Variants in WDR76 observed in about 807,000 individuals in gnomAD.
The protein encoded by WDR76 is WD repeat domain 76, also known as WD repeat-containing protein 76.
In WDR76, 52 loss-of-function variants were observed where a neutral mutation model predicts 70.2. The ratio of observed to expected loss-of-function variants is 0.74; its 90% CI spans 0.59 to 0.93. The LOEUF (loss-of-function observed/expected upper bound fraction) is 0.93, where lower values mean the gene tolerates loss of function less well. Ranked by LOEUF, WDR76 falls within the 40% of genes least tolerant of loss-of-function variation. The pLI is 0.00. For missense variants in WDR76, 756 were observed against 760.2 expected, an observed-to-expected ratio of 0.99 and a Z score of 0.07; for synonymous variants, 292 against 271.1, an observed-to-expected ratio of 1.08 and a Z score of -0.76.
At chr15:43,832,744 T>TTA (rs1491400619) in intron 2 of WDR76, among the ~76,000 whole-genome samples, 8 of 12,822 alleles carry the variant, frequency 6.2e-4, no homozygotes, top group Non-Finnish European at 2.0e-3. Flanking sequence ...GCTTGCTTTG[T>TTA]TTTTTTTTTT....
chr15:43,833,340 A>G (rs1380759746), intron 2 of WDR76, among the ~76,000 whole-genome samples: 4 of 136,138 alleles, frequency 2.9e-5, no homozygotes, highest in African/African-American at 1.1e-4. Flanking sequence ...TTTTTTTGAG[A>G]TGGAGTCTGG....
Position 43,857,467 on chromosome 15 carries a change from G to A in WDR76, c.1409+304G>A, listed in dbSNP as rs1047738080. The A allele has an allele frequency of 4.1e-6, 4 of 985,254 alleles. No individual in the cohort carries two copies. In the African/African-American group the frequency reaches 7.0e-5, roughly 17 times the overall value. 61.0% of individuals were successfully genotyped at this position (985,254 alleles called of 1,614,324 possible). ...AATTTCACAGAAAAAAAAGTTACAT[G>A]TGACCTATAACTTGTTGGCCTGTGT... On this transcript the variant is annotated intron_variant, in intron 10 of 12. Transcript: ENST00000263795.
intron 2 of WDR76, among the ~76,000 whole-genome samples, chr15:43,831,098 G>T (rs1339983627): frequency 6.6e-6 from 1 of 151,908 alleles, no homozygotes. Flanking sequence ...AGGCGTGGTG[G>T]CAGGTGCCTG....
chr15:43,847,415 C>A, intron 8 of WDR76, among the ~76,000 whole-genome samples: 1 of 151,656 alleles, frequency 6.6e-6, no homozygotes, highest in South Asian at 2.1e-4. Flanking sequence ...CGCTCGCTGC[C>A]ACACCTGGCT....
chr15:43,835,171 A>G, intron 3 of WDR76, 21 bp downstream of exon 3: 2 of 1,610,970 alleles, frequency 1.2e-6, no homozygotes, highest in Non-Finnish European at 1.7e-6. Context: ...AGTCTATTTA[A>G]AAGCAAGATG....
chr15:43,836,753 TGG>T (rs1290422337), intron 4 of WDR76, among the ~76,000 whole-genome samples: 2 of 151,912 alleles, frequency 1.3e-5, no homozygotes, highest in Admixed American at 6.6e-5. Context: ...AATTGTTGGC[TGG>T]GTGCAGTGGC....
At position 43,827,024 on chromosome 15, in the gene WDR76, A is replaced by C. The variant is rs750682707; in HGVS notation, c.-9A>C. The C allele has an allele frequency of 3.7e-6, 6 of 1,613,764 alleles. No homozygotes were observed. The highest frequency in any genetic ancestry group is 2.7e-5 in the African/African-American group (2 of 74,940). On this transcript the variant is annotated 5_prime_UTR_variant, in exon 1 of 13. Transcript: ENST00000263795. ...GGCGGGAAGGCGCCGGCCGCTAAGA[A>C]GCCGAAAGATGTCCAGGTCGGGCGC...
intron 2 of WDR76, among the ~76,000 whole-genome samples, chr15:43,830,006 T>G (rs1431546832): frequency 6.6e-6 from 1 of 151,626 alleles, no homozygotes; most frequent in Non-Finnish European, 1.5e-5. Context: ...TTTTCTTTCT[T>G]TCTTTTCTTT....
At chr15:43,845,597 T>C (rs1237469964) in intron 8 of WDR76, among the ~76,000 whole-genome samples, 1 of 150,352 alleles carries the variant, frequency 6.7e-6, no homozygotes, top group Admixed American at 6.6e-5. Flanking sequence ...GTTTATGGTA[T>C]GTTGTTTTAG....
intron 5 of WDR76, 77 bp downstream of exon 5, chr15:43,839,805 GT>G: frequency 7.1e-7 from 1 of 1,411,386 alleles, no homozygotes; most frequent in Non-Finnish European, 9.5e-7. Context: ...TAGACTAAAA[GT>G]TCATTAAATT....
intron 11 of WDR76, among the ~76,000 whole-genome samples, chr15:43,860,678 A>T (rs769693164): frequency 1.2e-3 from 181 of 150,848 alleles, no homozygotes; most frequent in African/African-American, 7.6e-4. Flanking sequence ...ATTTTTTTTT[A>T]AATTTTTTTT....
intron 12 of WDR76, 59 bp from the exon 13 acceptor site, chr15:43,866,069 C>T (rs752677106): frequency 1.9e-6 from 3 of 1,583,712 alleles, no homozygotes; most frequent in Non-Finnish European, 2.6e-6. Flanking sequence ...TTACCCTCTG[C>T]CCAATGCTAC....
chr15:43,847,022 CAAAAA>C (rs57096588), intron 8 of WDR76, among the ~76,000 whole-genome samples: 17 of 66,700 alleles, frequency 2.5e-4, no homozygotes, highest in East Asian at 4.2e-4. Flanking sequence ...AACACCACCT[CAAAAA>C]AAAAAAAAAA....
chr15:43,851,101 A>G lies in WDR76; in HGVS notation c.1047A>G (p.Lys349=). 1 of 1,614,060 alleles carries G rather than the reference A, an allele frequency of 6.2e-7. No individual in the cohort carries two copies. Among genetic ancestry groups the G allele is most frequent in the Non-Finnish European group, 8.5e-7 (1 of 1,179,996 alleles). ...VGLCDLTQQP[K]EDGVYVFHPH... is the part of the protein sequence containing the mutation. ...CTCTCTTCCAGACCCAGCAACCTAA[A>G]GAAGATGGAGTTTATGTTTTTCATC... The change falls in exon 9 of 13, where the codon AAA becomes AAG. Residue 349 remains lysine (K), a synonymous_variant. Coordinates refer to ENST00000263795, the MANE Select transcript of WDR76 (RefSeq NM_024908.4).
intron 8 of WDR76, among the ~76,000 whole-genome samples, chr15:43,846,965 T>G (rs999552202): frequency 7.3e-6 from 1 of 137,916 alleles, no homozygotes; most frequent in Non-Finnish European, 1.5e-5. Flanking sequence ...GAGGTTGCAG[T>G]GAGCCGAGAT....
At position 43,857,048 on chromosome 15, in the gene WDR76, G is replaced by A; in HGVS notation, c.1294G>A (p.Asp432Asn). The A allele has an allele frequency of 6.2e-7, 1 of 1,614,092 alleles. No individual in the cohort carries two copies. Residue 432 changes from aspartate to asparagine, a missense_variant, in exon 10 of 13, where the codon GAT becomes AAT. By Grantham distance (23) the Asp-to-Asn change is conservative. Coordinates refer to ENST00000263795, the MANE Select transcript of WDR76 (RefSeq NM_024908.4). ...GHWDGNMSLV[D>N]RRTPGTSYEK... ...CTGGGATGGAAATATGTCACTGGTGGATAGACGGACACCTGGAACTTCTTA... is the reference window on the plus strand; with the variant it reads ...CTGGGATGGAAATATGTCACTGGTGAATAGACGGACACCTGGAACTTCTTA...
At chr15:43,842,794 T>G in intron 7 of WDR76, 123 bp downstream of exon 7, 2 of 881,476 alleles carry the variant, frequency 2.3e-6, no homozygotes, top group East Asian at 5.3e-5. Flanking sequence ...AACTGTTGTT[T>G]TTGTGTATTT....
At position 43,854,162 on chromosome 15, in the gene WDR76, G is replaced by T. The variant is rs545032344; in HGVS notation, c.1192-2784G>T. Among the ~76,000 whole-genome samples, 3 of 152,298 alleles carry T rather than the reference G, an allele frequency of 2.0e-5. No individual in the cohort carries two copies. In the South Asian group the frequency reaches 6.2e-4, roughly 32 times the overall value. On this transcript the variant is annotated intron_variant, in intron 9 of 12. Transcript: ENST00000263795. ...TTGACAGTTCCTTAAATGTTAAACA[G>T]AGTTACCATATGACCTAGCAATATC...
chr15:43,850,999 A>G, intron 8 of WDR76, 88 bp from the exon 9 acceptor site: 1 of 1,489,826 alleles, frequency 6.7e-7, no homozygotes, highest in Non-Finnish European at 9.1e-7. Context: ...AATCCAGTGT[A>G]AATTCTTTAA....
Sources: allele counts gnomAD v4.1 joint callset (sites outside exome capture counted in the v4.1 genomes callset), GRCh38; gene constraint gnomAD v4.1.1; transcripts MANE v1.5; gene names NCBI Gene and HGNC (gene_info 2026-07-23, HGNC 2026-07-21).